Variants in CELF1 observed in about 807,000 individuals in gnomAD.
CELF1 encodes the protein 50 kDa nuclear polyadenylated RNA-binding protein.
In CELF1, 10 loss-of-function variants were observed where a neutral mutation model predicts 61.8. That is an observed-to-expected ratio of 0.16 (90% CI 0.10 to 0.27). The LOEUF is 0.27. CELF1 is among the 10% of genes least tolerant of loss of function. The probability of loss-of-function intolerance (pLI) is 1.00; values close to 1 mark genes in which losing one functional copy is unlikely to be tolerated. For missense variants in CELF1, 380 were observed against 639.1 expected, an observed-to-expected ratio of 0.59 and a Z score of 4.37; for synonymous variants, 236 against 225.1, an observed-to-expected ratio of 1.05 and a Z score of -0.43.
At chr11:47,550,393 C>T (rs539889523) in intron 1 of CELF1, among the ~76,000 whole-genome samples, 1 of 151,986 alleles carries the variant, frequency 6.6e-6, no homozygotes, top group Non-Finnish European at 1.5e-5. Context: ...CCTCTGGGCG[C>T]AGTGGTGGGC....
chr11:47,558,690 TATA>T (rs2097215489), intron 2 of CELF1, among the ~76,000 whole-genome samples: 1 of 113,750 alleles, frequency 8.8e-6, no homozygotes, highest in Non-Finnish European at 1.7e-5. Context: ...ATATATTATA[TATA>T]ATATATGTCA....
Position 47,558,494 on chromosome 11 carries a change from A to G in CELF1, c.-11+5857T>C, listed in dbSNP as rs1234810473. ...CCCTCATATATATATTATATATTTA[A>G]TATATTATATTATATAAATAATATA... On this transcript the variant is annotated intron_variant, in intron 2 of 3. Transcript: ENST00000525841. Among the ~76,000 whole-genome samples the G allele has an allele frequency of 7.2e-4, 89 of 124,118 alleles. 1 individual carries two copies. The highest frequency in any genetic ancestry group is 2.3e-3 in the African/African-American group (70 of 30,668). 81.4% of individuals were successfully genotyped at this position (124,118 alleles called of 152,430 possible). A position where few individuals can be genotyped will look rare whatever the true frequency, so the allele number is the denominator to read the frequency against.
intron 1 of CELF1, among the ~76,000 whole-genome samples, chr11:47,525,178 G>A (rs1243032795): frequency 1.3e-5 from 2 of 152,100 alleles, no homozygotes; most frequent in African/African-American, 4.8e-5. Context: ...CATTCCAACT[G>A]TGTATGTTTT....
chr11:47,475,450 G>C lies in CELF1; in HGVS notation c.1159C>G (p.Leu387Val). 1 of 1,614,070 alleles carries C rather than the reference G, an allele frequency of 6.2e-7. No homozygotes were observed. ...SNGTGSTMEA[L>V]TQAYSGIQQY... ...TGGATACCCGAGTAGGCCTGAGTGA[G>C]GGCCTCCATGGTGCTCCCGGTGCCA... The change falls in exon 13 of 15, where the codon CTC becomes GTC. Residue 387 changes from leucine (L) to valine (V), a missense_variant. Coordinates refer to ENST00000687097, the MANE Select transcript of CELF1 (RefSeq NM_001376376.1).
At chr11:47,475,229 T>C (rs1490650913) in intron 13 of CELF1, 107 bp downstream of exon 13, 22 of 969,810 alleles carry the variant, frequency 2.3e-5, no homozygotes, top group Non-Finnish European at 3.3e-5. Flanking sequence ...AGAAAAACAA[T>C]GGTCTGACGA....
In CELF1 at chr11:47,482,917, T is replaced by C. The variant is rs767236418; in HGVS notation, c.607-61A>G. The C allele has an allele frequency of 1.2e-4, 183 of 1,506,184 alleles. 1 individual carries two copies. Among genetic ancestry groups the C allele is most frequent in the Non-Finnish European group, 1.6e-4 (178 of 1,103,670 alleles). 93.3% of individuals were successfully genotyped at this position (1,506,184 alleles called of 1,614,324 possible). A position where few individuals can be genotyped will look rare whatever the true frequency, so the allele number is the denominator to read the frequency against. On this transcript the variant is annotated intron_variant, in intron 8 of 14. Transcript: ENST00000687097. ...CCATCTGAAAAGAAGAAAAAAAATC[T>C]TCCTTTTGGATGACATGCAGGTTAC...
chr11:47,519,947 T>C (rs2095795966), intron 1 of CELF1, among the ~76,000 whole-genome samples: 1 of 148,834 alleles, frequency 6.7e-6, no homozygotes, highest in Non-Finnish European at 1.5e-5. Flanking sequence ...CTAAAAAAAC[T>C]CAACTGTTCC....
chr11:47,560,010 A>C (rs1235461383), intron 2 of CELF1, among the ~76,000 whole-genome samples: 1 of 151,842 alleles, frequency 6.6e-6, no homozygotes, highest in South Asian at 2.1e-4. Context: ...TCAAAAAAAA[A>C]AAAAAAAAGC....
chr11:47,499,759 A>T (rs926619374), intron 2 of CELF1, 155 bp from the exon 3 acceptor site: 3 of 508,176 alleles, frequency 5.9e-6, no homozygotes, highest in Non-Finnish European at 1.1e-5. Flanking sequence ...AGCCCAGCAC[A>T]CAATGAAAGT....
intron 1 of CELF1, among the ~76,000 whole-genome samples, chr11:47,543,868 AAAT>A (rs1403075278): frequency 1.3e-5 from 2 of 152,236 alleles, no homozygotes; most frequent in Non-Finnish European, 2.9e-5. Context: ...TTACAACTCT[AAAT>A]ATTAGAGCCC....
chr11:47,507,322 T>C (rs1343239161), intron 1 of CELF1, among the ~76,000 whole-genome samples: 4 of 152,158 alleles, frequency 2.6e-5, no homozygotes, highest in East Asian at 1.9e-4. Context: ...GTGTTATTCA[T>C]GTGGAGAGAC....
At position 47,477,886 on chromosome 11, in the gene CELF1, C is replaced by T. The variant is rs78568367; in HGVS notation, c.845-461G>A. Among the ~76,000 whole-genome samples, 857 of 152,274 alleles carry T rather than the reference C, an allele frequency of 5.6e-3. 10 individuals are homozygous for T. Among genetic ancestry groups the T allele is most frequent in the African/African-American group, 0.019 (775 of 41,534 alleles). ...GCAAACAAGGGAGAACACAGCAGAG[C>T]AGCAATGACACAAAGAATAAAGACA... On this transcript the variant is annotated intron_variant, in intron 10 of 14. Transcript: ENST00000687097.
At chr11:47,556,502 G>T (rs899813813), upstream of CELF1, among the ~76,000 whole-genome samples, 1 of 152,150 alleles carries the variant, frequency 6.6e-6, no homozygotes, top group Non-Finnish European at 1.5e-5. Flanking sequence ...TGTTTAAACA[G>T]CATAAAATTT....
chr11:47,475,579 C>T, intron 12 of CELF1, 58 bp from the exon 13 acceptor site: 1 of 1,559,388 alleles, frequency 6.4e-7, no homozygotes, highest in Admixed American at 1.7e-5. Flanking sequence ...ATGCCAAAGA[C>T]AAGTCTACTT....
At position 47,488,983 on chromosome 11, in the gene CELF1, G is replaced by A; in HGVS notation, c.113C>T (p.Pro38Leu). The part of the protein sequence containing the change: ...MNGTLDHPDQ[P>L]DLDAIKMFVG... ...AAACATCTTGATAGCATCAAGATCT[G>A]GTTGGTCTGGGTGGTCCAGGGTGCC... is the stretch of plus-strand genomic sequence containing the variant. Residue 38 changes from proline to leucine, a missense_variant, in exon 4 of 15, where the codon CCA becomes CTA. Coordinates refer to ENST00000687097, the MANE Select transcript of CELF1 (RefSeq NM_001376376.1). 2 of 1,606,466 alleles carry A rather than the reference G, an allele frequency of 1.2e-6. No homozygotes were observed. Among genetic ancestry groups the A allele is most frequent in the Non-Finnish European group, 1.7e-6 (2 of 1,177,686 alleles).
chr11:47,528,969 C>T (rs2153683924), intron 1 of CELF1, among the ~76,000 whole-genome samples: 1 of 152,188 alleles, frequency 6.6e-6, no homozygotes, highest in African/African-American at 2.4e-5. Flanking sequence ...GGCAGGATCA[C>T]AGCTCACTGC....
intron 14 of CELF1, 57 bp downstream of exon 14, chr11:47,473,031 T>C: frequency 4.4e-6 from 7 of 1,573,816 alleles, no homozygotes; most frequent in Non-Finnish European, 5.2e-6. Flanking sequence ...GTGAGCTCCT[T>C]CTTTCTCAGT....
intron 9 of CELF1, among the ~76,000 whole-genome samples, chr11:47,479,575 G>T (rs553962584): frequency 6.6e-6 from 1 of 152,298 alleles, no homozygotes; most frequent in South Asian, 2.1e-4. Context: ...CCAAATGACT[G>T]ATGGATTAGT....
At chr11:47,495,260 T>C (rs2092847673) in intron 3 of CELF1, among the ~76,000 whole-genome samples, 1 of 152,090 alleles carries the variant, frequency 6.6e-6, no homozygotes, top group South Asian at 2.1e-4. Context: ...TTGAAAACAT[T>C]ATGCTAAGTA....
Sources: allele counts gnomAD v4.1 joint callset (sites outside exome capture counted in the v4.1 genomes callset), GRCh38; gene constraint gnomAD v4.1.1; transcripts MANE v1.5; gene names NCBI Gene and HGNC (gene_info 2026-07-23, HGNC 2026-07-21).